Variants in TNKS observed in about 807,000 individuals in gnomAD.
The protein encoded by TNKS is poly [ADP-ribose] polymerase tankyrase-1.
Under a neutral mutation model 135.8 loss-of-function variants are expected in TNKS, and 72 were observed. The ratio of observed to expected loss-of-function variants is 0.53; its 90% CI spans 0.44 to 0.64. TNKS has a LOEUF of 0.64. Among genes scored for constraint, TNKS ranks in the 30% least tolerant of loss-of-function variants. The pLI is 0.00. For synonymous variants in TNKS, 849 were observed against 649.3 expected, an observed-to-expected ratio of 1.31 and a Z score of -4.68; for missense variants, 1,769 against 1,674.0, an observed-to-expected ratio of 1.06 and a Z score of -0.99.
At chr8:9,654,301 T>A (rs1801261736) in intron 3 of TNKS, among the ~76,000 whole-genome samples, 1 of 152,214 alleles carries the variant, frequency 6.6e-6, no homozygotes, top group African/African-American at 2.4e-5. Flanking sequence ...GCTTTTCTAT[T>A]TAGATTTATA....
At chr8:9,593,168 G>T (rs1336995951) in intron 2 of TNKS, among the ~76,000 whole-genome samples, 1 of 152,184 alleles carries the variant, frequency 6.6e-6, no homozygotes, top group Non-Finnish European at 1.5e-5. Context: ...AAAAGTTGCT[G>T]TGGATAGTTG....
intron 12 of TNKS, among the ~76,000 whole-genome samples, chr8:9,721,313 A>ATATATATATATATATAT (rs1804872482): frequency 3.1e-4 from 11 of 35,892 alleles, no homozygotes; most frequent in Non-Finnish European, 8.8e-4. Flanking sequence ...TATATATATA[A>ATATATATATATATATAT]AATTATAAAA....
In TNKS at chr8:9,704,741, C is replaced by T. The variant is rs1190356692; in HGVS notation, c.1186C>T (p.His396Tyr). ...QLLLQHGADV[H>Y]AKDKGGLVPL... ...TCTTCTTCAGCATGGTGCTGATGTT[C>T]ATGCAAAAGACAAAGGGTAGGTCTA... The change falls in exon 6 of 27, where the codon CAT (histidine) becomes TAT (tyrosine). Residue 396 changes from histidine (H) to tyrosine (Y), a missense_variant. By Grantham distance (83) the His-to-Tyr change is moderately conservative. Around this residue, in one of 5 missense-constraint regions of TNKS, gnomAD observed 523 missense variants for 541.0 expected, o/e 0.97. Transcript: ENST00000310430. 3.7e-6 allele frequency: 6 copies of T among 1,612,740 alleles called. No individual in the cohort carries two copies. The highest frequency in any genetic ancestry group is 1.1e-5 in the South Asian group (1 of 90,882).
intron 3 of TNKS, among the ~76,000 whole-genome samples, chr8:9,668,591 G>C (rs1019135097): frequency 2.0e-5 from 3 of 152,194 alleles, no homozygotes; most frequent in Non-Finnish European, 4.4e-5. Context: ...GTCAAAGCTA[G>C]GACTGGAATC....
chr8:9,692,118 G>T (rs1486642678), intron 5 of TNKS, among the ~76,000 whole-genome samples: 2 of 152,020 alleles, frequency 1.3e-5, no homozygotes, highest in East Asian at 3.9e-4. Context: ...TGGGTAAATT[G>T]TGCGTTACTG....
At chr8:9,730,247 TAGAAG>T (rs1479038674) in intron 13 of TNKS, among the ~76,000 whole-genome samples, 1 of 151,978 alleles carries the variant, frequency 6.6e-6, no homozygotes, top group African/African-American at 2.4e-5. Context: ...TAAGGAGACA[TAGAAG>T]AGATTTGGAG....
chr8:9,772,817 G>GTC (rs1392780099), intron 26 of TNKS, among the ~76,000 whole-genome samples: 3 of 78,878 alleles, frequency 3.8e-5, no homozygotes, highest in Non-Finnish European at 7.1e-5. Flanking sequence ...GTTTGTGTGT[G>GTC]TGTGTGTGTG....
intron 3 of TNKS, among the ~76,000 whole-genome samples, chr8:9,664,911 G>T (rs1801918281): frequency 6.6e-6 from 1 of 152,124 alleles, no homozygotes; most frequent in African/African-American, 2.4e-5. Flanking sequence ...ATCCCTATGT[G>T]CTGTCTGCCA....
intron 3 of TNKS, among the ~76,000 whole-genome samples, chr8:9,621,231 T>G (rs1799853897): frequency 6.6e-6 from 1 of 152,176 alleles, no homozygotes; most frequent in Admixed American, 6.5e-5. Flanking sequence ...TTGAGAACAT[T>G]CCAATTCTGG....
At chr8:9,706,670 T>A in intron 7 of TNKS, 141 bp from the exon 8 acceptor site, 1 of 734,242 alleles carries the variant, frequency 1.4e-6, no homozygotes, top group East Asian at 3.1e-5. Context: ...TTCAGCTGTT[T>A]TTGAAAGGTG....
intron 7 of TNKS, 27 bp from the exon 8 acceptor site, chr8:9,706,784 C>G: frequency 6.3e-7 from 1 of 1,577,010 alleles, no homozygotes; most frequent in Non-Finnish European, 8.6e-7. Context: ...TGATTACTGA[C>G]CTAAAATGTT....
chr8:9,602,467 C>T (rs747879501), intron 2 of TNKS, among the ~76,000 whole-genome samples: 4 of 152,180 alleles, frequency 2.6e-5, no homozygotes, highest in Non-Finnish European at 5.9e-5. Flanking sequence ...GACAGCTTCC[C>T]ATCCTCTCTT....
chr8:9,618,949 T>C (rs1799755827), intron 3 of TNKS, among the ~76,000 whole-genome samples: 1 of 152,250 alleles, frequency 6.6e-6, no homozygotes, highest in Non-Finnish European at 1.5e-5. Context: ...CATTAAGTAC[T>C]TTTCTACAAC....
intron 5 of TNKS, among the ~76,000 whole-genome samples, chr8:9,682,541 C>T (rs1449971156): frequency 6.6e-6 from 1 of 152,000 alleles, no homozygotes; most frequent in East Asian, 1.9e-4. Context: ...ATTCTTGTGG[C>T]TCCTTTTCTA....
chr8:9,569,972 ATTGC>A (rs1797696143), intron 1 of TNKS, among the ~76,000 whole-genome samples: 1 of 151,644 alleles, frequency 6.6e-6, no homozygotes, highest in South Asian at 2.1e-4. Flanking sequence ...GTTTTCTTCT[ATTGC>A]TTCTCCTATT....
rs1302121067 is a variant in TNKS, at chr8:9,763,215, G to A, written c.3343G>A (p.Asp1115Asn). The change falls in exon 22 of 27, where the codon GAT (aspartate) becomes AAT (asparagine). Residue 1115 changes from aspartate (D) to asparagine (N), a missense_variant. Around this residue, in one of 5 missense-constraint regions of TNKS, gnomAD observed 722 missense variants for 688.9 expected, o/e 1.05. Transcript: ENST00000310430. ...GTILLDLAPE[D>N]KEYQSVEEEM... ...GATTTTGCTGGATCTTGCTCCAGAA[G>A]ATAAAGAATATCAGTCAGTGGAAGA... is the stretch of plus-strand genomic sequence containing the variant. 1 of 1,607,788 alleles carries A rather than the reference G, an allele frequency of 6.2e-7. No individual in the cohort carries two copies. The highest frequency in any genetic ancestry group is 8.5e-7 in the Non-Finnish European group (1 of 1,175,894).
At chr8:9,582,371 G>T (rs1798198569) in intron 2 of TNKS, among the ~76,000 whole-genome samples, 1 of 151,962 alleles carries the variant, frequency 6.6e-6, no homozygotes, top group Admixed American at 6.6e-5. Context: ...TGAGAGATTA[G>T]TATACAAAAT....
At chr8:9,624,641 C>T (rs1799988673) in intron 3 of TNKS, among the ~76,000 whole-genome samples, 1 of 152,054 alleles carries the variant, frequency 6.6e-6, no homozygotes. Context: ...CTTATAATAC[C>T]TTTAACTAGT....
intron 11 of TNKS, among the ~76,000 whole-genome samples, chr8:9,715,110 G>C (rs1317519131): frequency 6.6e-6 from 1 of 152,124 alleles, no homozygotes; most frequent in Non-Finnish European, 1.5e-5. Context: ...AGAAGGAGCA[G>C]GTGACCAGTG....
Sources: gnomAD v4.1 joint callset for allele counts (sites outside exome capture counted in the v4.1 genomes callset) on GRCh38, gnomAD v4.1.1 for gene constraint, gnomAD v4.1.1 regional missense constraint, MANE v1.5 for transcripts, NCBI Gene and HGNC (gene_info 2026-07-23, HGNC 2026-07-21) for gene names.